The following TLK2 variants were observed in gnomAD, a reference collection of about 807,000 sequenced individuals.
TLK2 encodes the protein serine/threonine-protein kinase tousled-like 2.
In TLK2, 6 loss-of-function variants were observed where a neutral mutation model predicts 117.3. The ratio of observed to expected loss-of-function variants is 0.05; its 90% CI spans 0.03 to 0.10. The LOEUF is 0.10. TLK2 is among the 10% of genes least tolerant of loss of function. The pLI, the probability that TLK2 is intolerant of heterozygous loss-of-function variation, is 1.00. For synonymous variants in TLK2, 257 were observed against 316.7 expected (o/e 0.81, Z 2.00); for missense variants, 299 against 901.2 (o/e 0.33, Z 8.56).
chr17:62,493,419 A>T (rs927926153), intron 2 of TLK2, among the ~76,000 whole-genome samples: 1 of 152,188 alleles, frequency 6.6e-6, no homozygotes, highest in African/African-American at 2.4e-5. Flanking sequence ...GGCTATTGTG[A>T]ATAGTGCTAT....
intron 2 of TLK2, among the ~76,000 whole-genome samples, chr17:62,483,529 G>T (rs748847249): frequency 2.0e-5 from 3 of 152,184 alleles, no homozygotes; most frequent in African/African-American, 7.2e-5. Context: ...TTTTGAGAGG[G>T]TCTCACTCTC....
intron 7 of TLK2, among the ~76,000 whole-genome samples, chr17:62,549,416 A>AAAAAGT (rs2078224083): frequency 6.3e-5 from 2 of 31,964 alleles, no homozygotes; most frequent in African/African-American, 1.6e-4. Flanking sequence ...AAAAAAAAAA[A>AAAAAGT]AAAAAAAAAA....
At chr17:62,553,986 T>C (rs1490904280) in intron 9 of TLK2, among the ~76,000 whole-genome samples, 1 of 152,198 alleles carries the variant, frequency 6.6e-6, no homozygotes, top group Non-Finnish European at 1.5e-5. Flanking sequence ...TGAATTTATA[T>C]TGGAGAAATA....
chr17:62,473,198 T>C (rs1193877901), intron 1 of TLK2, among the ~76,000 whole-genome samples: 1 of 152,140 alleles, frequency 6.6e-6, no homozygotes, highest in Non-Finnish European at 1.5e-5. Flanking sequence ...AACTGCTCAC[T>C]GCAGAGAAGG....
chr17:62,499,298 C>T (rs1426592453), intron 2 of TLK2, among the ~76,000 whole-genome samples: 2 of 151,538 alleles, frequency 1.3e-5, no homozygotes, highest in Non-Finnish European at 2.9e-5. Context: ...TGAGCTTCTA[C>T]ATTCCAGCCT....
At chr17:62,533,167 T>G (rs1470182425) in intron 6 of TLK2, among the ~76,000 whole-genome samples, 5 of 151,414 alleles carry the variant, frequency 3.3e-5, no homozygotes, top group Non-Finnish European at 5.9e-5. Flanking sequence ...TTATTAAGAT[T>G]TAATAAATTA....
chr17:62,473,907 C>CT (rs1274915865), upstream of TLK2, among the ~76,000 whole-genome samples: 2 of 151,528 alleles, frequency 1.3e-5, no homozygotes, highest in African/African-American at 2.4e-5. Flanking sequence ...TTTTTCTTTT[C>CT]TTTTTTTTGA....
chr17:62,496,604 A>G (rs1164824479), intron 2 of TLK2, among the ~76,000 whole-genome samples: 1 of 152,118 alleles, frequency 6.6e-6, no homozygotes, highest in Non-Finnish European at 1.5e-5. Flanking sequence ...GTGTGTGTGT[A>G]TATACATGGA....
intron 2 of TLK2, among the ~76,000 whole-genome samples, chr17:62,491,122 A>G (rs1004723655): frequency 9.2e-5 from 14 of 152,150 alleles, no homozygotes; most frequent in African/African-American, 3.4e-4. Flanking sequence ...CTTTGCAGTC[A>G]ATAATATAAA....
At chr17:62,565,875 T>TA in intron 11 of TLK2, among the ~76,000 whole-genome samples, 2 of 152,246 alleles carry the variant, frequency 1.3e-5, no homozygotes, top group African/African-American at 4.8e-5. Flanking sequence ...TAAAGCAGAA[T>TA]AAAACCACTG....
intron 17 of TLK2, among the ~76,000 whole-genome samples, chr17:62,599,931 T>C (rs1278197705): frequency 6.6e-6 from 1 of 152,192 alleles, no homozygotes; most frequent in South Asian, 2.1e-4. Context: ...TGGCATATGG[T>C]TTTATGTATG....
At chr17:62,600,967 AAG>A (rs2082832390) in intron 18 of TLK2, 147 bp downstream of exon 18, 2 of 777,134 alleles carry the variant, frequency 2.6e-6, no homozygotes, top group Admixed American at 3.2e-5. Context: ...TGTGGGAAAA[AAG>A]AGTCCTGGCC....
intron 7 of TLK2, among the ~76,000 whole-genome samples, chr17:62,536,871 G>T (rs1308150412): frequency 6.6e-6 from 1 of 152,136 alleles, no homozygotes; most frequent in South Asian, 2.1e-4. Flanking sequence ...CTACCTGTTC[G>T]CTCCTTTCAG....
intron 2 of TLK2, among the ~76,000 whole-genome samples, chr17:62,515,380 T>C (rs1038287243): frequency 1.3e-5 from 2 of 152,198 alleles, no homozygotes; most frequent in African/African-American, 4.8e-5. Context: ...GATAATTCCG[T>C]TTTTGAGGAA....
In TLK2 at chr17:62,595,283, C is replaced by CTT. The variant is rs770158122; in HGVS notation, c.1461-1282_1461-1281dup. Among the ~76,000 whole-genome samples the CTT allele has an allele frequency of 4.6e-3, 607 of 133,320 alleles. 4 individuals carry two copies. Among genetic ancestry groups the CTT allele is most frequent in the African/African-American group, 0.015 (536 of 35,580 alleles). The allele number at this position is 133,320 out of a possible 152,430, so 87.5% of individuals were successfully genotyped here. A position where few individuals can be genotyped will look rare whatever the true frequency, so the allele number is the denominator to read the frequency against. On this transcript the variant is annotated intron_variant, in intron 16 of 21. Coordinates refer to ENST00000346027, the MANE Select transcript of TLK2 (RefSeq NM_006852.6). ...GGCATGAGCTGCCGTGCCTGGCCCC[C>CTT]TTTTTTTTTTTTTTTTTTTTTAAAT...
rs766114651 is a variant in TLK2 at position 62,523,192 on chromosome 17, T to C, written c.267+15T>C. 12 of 1,597,994 alleles carry C rather than the reference T, an allele frequency of 7.5e-6. No individual in the cohort carries two copies. The Admixed American group carries it at 2.0e-4, about 27-fold the overall frequency. On this transcript the variant is annotated intron_variant, in intron 5 of 21. Transcript: ENST00000346027. ...ATTACTTTGAGGTAAGTTACATTTT[T>C]TGAAAAAACAAACAAACAAAACAAA... is the stretch of plus-strand genomic sequence containing the variant.
chr17:62,556,135 G>A (rs527498631), intron 9 of TLK2, among the ~76,000 whole-genome samples: 3 of 151,654 alleles, frequency 2.0e-5, no homozygotes, highest in African/African-American at 4.8e-5. Context: ...CACTGGTCTC[G>A]AACTCCTGAC....
intron 2 of TLK2, among the ~76,000 whole-genome samples, chr17:62,482,745 C>G (rs1365804284): frequency 2.0e-5 from 3 of 152,170 alleles, no homozygotes; most frequent in African/African-American, 7.2e-5. Flanking sequence ...AGCCACCACG[C>G]CCAACCAGCT....
chr17:62,487,148 C>T (rs1187529560), intron 2 of TLK2, among the ~76,000 whole-genome samples: 2 of 151,998 alleles, frequency 1.3e-5, no homozygotes, highest in Non-Finnish European at 1.5e-5. Context: ...AAAAATAAGC[C>T]GGGCGTGGTG....
Sources: allele counts gnomAD v4.1 joint callset (sites outside exome capture counted in the v4.1 genomes callset), GRCh38; gene constraint gnomAD v4.1.1; transcripts MANE v1.5; gene names NCBI Gene and HGNC (gene_info 2026-07-23, HGNC 2026-07-21).